NCALD: variants seen among roughly 807,000 people sequenced by gnomAD.
The protein encoded by NCALD is neurocalcin delta.
In NCALD, 10 loss-of-function variants were observed where a neutral mutation model predicts 18.6. The ratio of observed to expected loss-of-function variants is 0.54; its 90% CI spans 0.33 to 0.91. The LOEUF (loss-of-function observed/expected upper bound fraction) is 0.91. Ranked by LOEUF, NCALD falls within the 40% of genes least tolerant of loss-of-function variation. The pLI is 0.03. For synonymous variants in NCALD, 88 were observed against 87.4 expected (o/e 1.01, Z -0.04); for missense variants, 184 against 247.6 (o/e 0.74, Z 1.72).
rs76729167 is a variant in NCALD, at chr8:101,688,310, A to G, written c.*999T>C. 6.9e-3 allele frequency: 1,384 copies of G among 201,910 alleles called. 15 individuals carry two copies. Among genetic ancestry groups the G allele is most frequent in the South Asian group, 0.028 (325 of 11,768 alleles). 12.5% of individuals were successfully genotyped at this position (201,910 alleles called of 1,614,324 possible). Reference sequence around the variant, plus strand: ...CTAGGCATGGCCACTCTGGAAATGCATTCAAAATTAAAGTTGGGCCCTAGT... The same window carrying G: ...CTAGGCATGGCCACTCTGGAAATGCGTTCAAAATTAAAGTTGGGCCCTAGT... On this transcript the variant is annotated 3_prime_UTR_variant, in exon 4 of 4. Coordinates refer to ENST00000220931, the MANE Select transcript of NCALD (RefSeq NM_032041.3).
chr8:101,898,865 C>A (rs1204902403), intron 3 of NCALD, among the ~76,000 whole-genome samples: 1 of 151,994 alleles, frequency 6.6e-6, no homozygotes, highest in Non-Finnish European at 1.5e-5. Context: ...ATTCTAGTTG[C>A]CTTACTTTTG....
At chr8:102,007,443 GTGGCTTGAGGACTGAACCT>G (rs1821752393) in intron 2 of NCALD, among the ~76,000 whole-genome samples, 1 of 152,216 alleles carries the variant, frequency 6.6e-6, no homozygotes, top group Non-Finnish European at 1.5e-5. Context: ...ACATAAGCAT[GTGGCTTGAGGACTGAACCT>G]TGAAAAGTAC....
At chr8:101,964,875 G>A (rs1286457647) in intron 2 of NCALD, among the ~76,000 whole-genome samples, 1 of 152,124 alleles carries the variant, frequency 6.6e-6, no homozygotes, top group Non-Finnish European at 1.5e-5. Context: ...AACACCAAAG[G>A]AAGAATGACT....
chr8:101,810,793 T>C (rs1410102867), intron 4 of NCALD, among the ~76,000 whole-genome samples: 1 of 152,186 alleles, frequency 6.6e-6, no homozygotes, highest in Non-Finnish European at 1.5e-5. Flanking sequence ...GCAAAAGCTT[T>C]TCTATCATAA....
intron 4 of NCALD, among the ~76,000 whole-genome samples, chr8:101,835,034 G>C (rs2155938): frequency 0.28 from 42,213 of 152,148 alleles, 6,270 homozygotes; most frequent in African/African-American, 0.37. Flanking sequence ...AGATTAACTG[G>C]GTCAAAAGTT....
At chr8:101,945,200 T>G (rs1819119272) in intron 2 of NCALD, among the ~76,000 whole-genome samples, 1 of 152,200 alleles carries the variant, frequency 6.6e-6, no homozygotes, top group African/African-American at 2.4e-5. Flanking sequence ...ATGGTGTTCA[T>G]TCAACCAGCC....
chr8:101,955,391 G>C (rs986850744), intron 2 of NCALD, among the ~76,000 whole-genome samples: 3 of 152,034 alleles, frequency 2.0e-5, no homozygotes, highest in African/African-American at 7.2e-5. Flanking sequence ...TTGGAGCCTA[G>C]AACAAGGCAA....
intron 2 of NCALD, among the ~76,000 whole-genome samples, chr8:102,005,331 T>C (rs377272515): frequency 8.5e-5 from 13 of 152,268 alleles, no homozygotes; most frequent in Admixed American, 3.3e-4. Context: ...AATGAGATAC[T>C]ATCTCACACC....
chr8:102,065,795 G>A (rs984138404), intron 1 of NCALD, among the ~76,000 whole-genome samples: 2 of 152,158 alleles, frequency 1.3e-5, no homozygotes, highest in African/African-American at 2.4e-5. Context: ...GCAACATAGC[G>A]AGACCCTGTC....
chr8:101,887,036 A>G (rs948981538), intron 4 of NCALD: 3 of 152,220 alleles, frequency 2.0e-5, no homozygotes, highest in African/African-American at 7.2e-5. Context: ...TACTTAGCAA[A>G]TACAAATATA....
chr8:101,953,890 G>T (rs991015841), intron 2 of NCALD, among the ~76,000 whole-genome samples: 1 of 152,206 alleles, frequency 6.6e-6, no homozygotes, highest in Non-Finnish European at 1.5e-5. Context: ...ATGGAAAACC[G>T]CCATCAATCC....
chr8:101,836,925 T>C (rs1563813550), intron 4 of NCALD, among the ~76,000 whole-genome samples: 1 of 152,246 alleles, frequency 6.6e-6, no homozygotes, highest in Non-Finnish European at 1.5e-5. Flanking sequence ...AGATTCTAAA[T>C]AAGTATTAGT....
intron 1 of NCALD, among the ~76,000 whole-genome samples, chr8:102,056,058 G>C (rs1203716212): frequency 2.0e-5 from 3 of 152,184 alleles, no homozygotes; most frequent in African/African-American, 7.2e-5. Flanking sequence ...CCAGAGGTCA[G>C]CCCGCCAGAT....
chr8:101,737,862 A>G (rs1458829356), intron 1 of NCALD, among the ~76,000 whole-genome samples: 1 of 152,138 alleles, frequency 6.6e-6, no homozygotes, highest in African/African-American at 2.4e-5. Context: ...GCTCCATTCT[A>G]TTGCATCTAT....
At chr8:101,724,896 T>C (rs1201898895) in intron 1 of NCALD, among the ~76,000 whole-genome samples, 1 of 152,134 alleles carries the variant, frequency 6.6e-6, no homozygotes, top group Non-Finnish European at 1.5e-5. Context: ...CAACAATCCA[T>C]AAAAAGTCAG....
intron 4 of NCALD, among the ~76,000 whole-genome samples, chr8:101,864,130 A>G (rs1815659034): frequency 6.6e-6 from 1 of 152,234 alleles, no homozygotes. Context: ...TATGATTTCA[A>G]TTAAGCTCAA....
At chr8:102,094,829 G>A (rs80124671) in intron 1 of NCALD, among the ~76,000 whole-genome samples, 12,447 of 152,160 alleles carry the variant, frequency 0.082, 1,360 homozygotes, top group African/African-American at 0.25. Flanking sequence ...GGAAGATGGA[G>A]ACAGAGATTG....
chr8:101,938,610 A>C (rs1233681502), intron 2 of NCALD, among the ~76,000 whole-genome samples: 1 of 152,102 alleles, frequency 6.6e-6, no homozygotes, highest in Non-Finnish European at 1.5e-5. Context: ...CAGTCTTATT[A>C]TTTCTAATTA....
At chr8:101,938,989 A>G (rs1474351735) in intron 2 of NCALD, among the ~76,000 whole-genome samples, 1 of 152,268 alleles carries the variant, frequency 6.6e-6, no homozygotes, top group Admixed American at 6.5e-5. Context: ...TCTGAGATCT[A>G]TCAGTGCTTG....
Sources: allele counts gnomAD v4.1 joint callset (sites outside exome capture counted in the v4.1 genomes callset), GRCh38; gene constraint gnomAD v4.1.1; transcripts MANE v1.5; gene names NCBI Gene and HGNC (gene_info 2026-07-23, HGNC 2026-07-21).